Variants in RNF4 observed in about 807,000 individuals in gnomAD.
RNF4 encodes the protein ring finger protein 4.
Under a neutral mutation model 24.3 loss-of-function variants are expected in RNF4, and 7 were observed. The observed-to-expected ratio is 0.29, with a 90% confidence interval of 0.16 to 0.54. The LOEUF (loss-of-function observed/expected upper bound fraction) is 0.54, where lower values mean the gene tolerates loss of function less well. Ranked by LOEUF, RNF4 falls within the 20% of genes least tolerant of loss-of-function variation. RNF4 has a pLI of 0.95. For synonymous variants in RNF4, 83 were observed against 84.3 expected, an observed-to-expected ratio of 0.98 and a Z score of 0.09; for missense variants, 209 against 248.5, an observed-to-expected ratio of 0.84 and a Z score of 1.07.
intron 4 of RNF4, among the ~76,000 whole-genome samples, chr4:2,509,068 A>G (rs1324175041): frequency 6.8e-6 from 1 of 146,000 alleles, no homozygotes; most frequent in Non-Finnish European, 1.5e-5. Flanking sequence ...ACAGGTGCCC[A>G]CCACCACACC....
chr4:2,499,703 C>T (rs1037635103), intron 3 of RNF4, among the ~76,000 whole-genome samples: 2 of 152,132 alleles, frequency 1.3e-5, no homozygotes, highest in Non-Finnish European at 2.9e-5. Flanking sequence ...CACCTTTATC[C>T]TGTGCACATG....
Position 2,513,255 on chromosome 4 carries a change from G to A in RNF4, c.423+124G>A, listed in dbSNP as rs756625816. On this transcript the variant is annotated intron_variant, in intron 7 of 7. Coordinates refer to ENST00000314289, the MANE Select transcript of RNF4 (RefSeq NM_002938.5). Reference sequence around the variant, plus strand: ...CCCTACTCACAGTCATGCCTGGGCCGTCACTTATTGCAGATCTGCCTGTGA... The same window carrying A: ...CCCTACTCACAGTCATGCCTGGGCCATCACTTATTGCAGATCTGCCTGTGA... 6.1e-4 allele frequency: 549 copies of A among 892,742 alleles called. 1 individual carries two copies. The highest frequency in any genetic ancestry group is 9.0e-4 in the Non-Finnish European group (489 of 543,580). 55.3% of individuals were successfully genotyped at this position (892,742 alleles called of 1,614,324 possible).
chr4:2,498,116 T>C (rs1239697943), intron 3 of RNF4, among the ~76,000 whole-genome samples: 3 of 152,196 alleles, frequency 2.0e-5, no homozygotes, highest in African/African-American at 7.2e-5. Flanking sequence ...CTTTCCGTCA[T>C]GGCACTTGTC....
At chr4:2,469,452 C>T (rs1317990119) in intron 1 of RNF4, 194 bp downstream of exon 1, 1 of 152,184 alleles carries the variant, frequency 6.6e-6, no homozygotes, top group Non-Finnish European at 1.5e-5. Context: ...GCGCGGGCAA[C>T]AGAAGTTAGG....
chr4:2,513,100 G>A lies in RNF4; in HGVS notation c.392G>A (p.Ser131Asn). The change falls in exon 7 of 8, where the codon AGT becomes AAT. Residue 131 changes from serine (S) to asparagine (N), a missense_variant. Around this residue, in one of 3 missense-constraint regions of RNF4, gnomAD observed 182 missense variants for 197.2 expected, o/e 0.92. Coordinates refer to ENST00000314289, the MANE Select transcript of RNF4 (RefSeq NM_002938.5). ...GCTCTTAGGCCCTCAGGTACTGTCAGTTGTCCCATCTGCATGGACGGATAC... is the reference window on the plus strand; with the variant it reads ...GCTCTTAGGCCCTCAGGTACTGTCAATTGTCCCATCTGCATGGACGGATAC... ...ATGLRPSGTV[S>N]CPICMDGYSE... 1 of 1,613,950 alleles carries A rather than the reference G, an allele frequency of 6.2e-7. No individual in the cohort carries two copies. The highest frequency in any genetic ancestry group is 8.5e-7 in the Non-Finnish European group (1 of 1,179,818).
intron 1 of RNF4, 86 bp downstream of exon 1, chr4:2,469,344 T>C (rs1207129012): frequency 1.3e-5 from 2 of 152,148 alleles, no homozygotes; most frequent in Non-Finnish European, 2.9e-5. Flanking sequence ...GGAGCCGCGC[T>C]GCGCGGCTTG....
Position 2,506,555 on chromosome 4 carries a change from T to C in RNF4, c.205-5401T>C, listed in dbSNP as rs554981229. Among the ~76,000 whole-genome samples the C allele has an allele frequency of 5.3e-5, 8 of 152,030 alleles. No homozygotes were observed. In the South Asian group the frequency reaches 1.7e-3, roughly 32 times the overall value. On this transcript the variant is annotated intron_variant, in intron 4 of 7. Transcript: ENST00000314289. ...TGTGTGCTTTCTCCAAATTTGTTTT[T>C]TTTCTTCTTCTTCTTCTTTTTTTTT... is the stretch of plus-strand genomic sequence containing the variant.
rs572273224 is a variant in RNF4, at chr4:2,470,685, C to A, written c.-158+1427C>A. On this transcript the variant is annotated intron_variant, in intron 1 of 7. Coordinates refer to ENST00000314289, the MANE Select transcript of RNF4 (RefSeq NM_002938.5). ...TAAGATTTTTCACTCTCCTCAAGAT[C>A]AAAGTAGCGTATTTTTGAGGTCTCC... Among the ~76,000 whole-genome samples, 41 of 152,310 alleles carry A rather than the reference C, an allele frequency of 2.7e-4. No individual in the cohort carries two copies. The South Asian group carries it at 8.3e-3, about 31-fold the overall frequency.
intron 1 of RNF4, among the ~76,000 whole-genome samples, chr4:2,487,196 T>C (rs1735435632): frequency 6.6e-6 from 1 of 152,210 alleles, no homozygotes; most frequent in Admixed American, 6.5e-5. Flanking sequence ...AGTCTTGACC[T>C]CCTGGGCTCA....
chr4:2,491,424 C>T (rs954127464), intron 2 of RNF4, among the ~76,000 whole-genome samples: 1 of 151,978 alleles, frequency 6.6e-6, no homozygotes, highest in Non-Finnish European at 1.5e-5. Context: ...TTAATAGAGA[C>T]CAGTTTTTGC....
At chr4:2,480,595 A>C (rs1245924620) in intron 1 of RNF4, 5 of 151,944 alleles carry the variant, frequency 3.3e-5, no homozygotes, top group African/African-American at 7.3e-5. Flanking sequence ...AAAAAAAAAA[A>C]TCTCATTTAC....
chr4:2,511,977 C>T lies in RNF4; in HGVS notation c.214+12C>T, dbSNP rs763148428. 81 of 1,606,042 alleles carry T rather than the reference C, an allele frequency of 5.0e-5. No individual in the cohort carries two copies. Among genetic ancestry groups the T allele is most frequent in the African/African-American group, 1.3e-4 (10 of 74,812 alleles). Reference sequence around the variant, plus strand: ...CAAGATTGTTGACGGTGAGTGGTTTCGTTTCCTTTTTCACTGGGTTTGGAG... The same window carrying T: ...CAAGATTGTTGACGGTGAGTGGTTTTGTTTCCTTTTTCACTGGGTTTGGAG... On this transcript the variant is annotated intron_variant, in intron 5 of 7. Transcript: ENST00000314289.
At chr4:2,469,862 C>CGACT (rs1157450291) in intron 1 of RNF4, 1 of 152,404 alleles carries the variant, frequency 6.6e-6, no homozygotes, top group East Asian at 1.9e-4. Context: ...GTGGAACGTG[C>CGACT]GACTGTGAGG....
At chr4:2,509,033 C>G (rs1736189751) in intron 4 of RNF4, among the ~76,000 whole-genome samples, 1 of 149,360 alleles carries the variant, frequency 6.7e-6, no homozygotes, top group South Asian at 2.1e-4. Flanking sequence ...ATTCTCCTGC[C>G]TCAGCATCCC....
intron 4 of RNF4, among the ~76,000 whole-genome samples, chr4:2,509,072 C>G (rs533304057): frequency 6.6e-6 from 1 of 150,974 alleles, no homozygotes; most frequent in East Asian, 1.9e-4. Flanking sequence ...GTGCCCACCA[C>G]CACACCCGGC....
intron 1 of RNF4, among the ~76,000 whole-genome samples, 196 bp from the exon 2 acceptor site, chr4:2,490,141 C>A (rs1735537241): frequency 1.3e-5 from 2 of 152,094 alleles, no homozygotes; most frequent in Non-Finnish European, 2.9e-5. Flanking sequence ...ATTACAATTG[C>A]AGGCTTTGGG....
At chr4:2,507,917 C>T (rs1431601653) in intron 4 of RNF4, among the ~76,000 whole-genome samples, 16 of 151,990 alleles carry the variant, frequency 1.1e-4, no homozygotes, top group Admixed American at 7.2e-4. Flanking sequence ...GGCAGGGGCC[C>T]GAGCTCAGCT....
intron 3 of RNF4, among the ~76,000 whole-genome samples, chr4:2,498,612 T>C (rs1245000878): frequency 1.3e-5 from 2 of 152,202 alleles, no homozygotes; most frequent in African/African-American, 4.8e-5. Flanking sequence ...TGCAATAATT[T>C]TATATAAATT....
chr4:2,509,617 C>T (rs1736208407), intron 4 of RNF4, among the ~76,000 whole-genome samples: 1 of 152,076 alleles, frequency 6.6e-6, no homozygotes, highest in African/African-American at 2.4e-5. Flanking sequence ...AACACTCTGG[C>T]GACCCTGTTC....
Sources: gnomAD v4.1 joint callset for allele counts (sites outside exome capture counted in the v4.1 genomes callset) on GRCh38, gnomAD v4.1.1 for gene constraint, gnomAD v4.1.1 regional missense constraint, MANE v1.5 for transcripts, NCBI Gene and HGNC (gene_info 2026-07-23, HGNC 2026-07-21) for gene names.